The following MAST2 variants were observed in gnomAD, a reference collection of about 807,000 sequenced individuals.
The protein encoded by MAST2 is microtubule associated serine/threonine kinase 2, also known as microtubule-associated serine/threonine-protein kinase 2.
MAST2 carries 70 observed loss-of-function variants against 147.4 expected under a neutral mutation model. The observed-to-expected ratio is 0.47, with a 90% CI of 0.39 to 0.58. MAST2 has a LOEUF of 0.58. Among genes scored for constraint, MAST2 ranks in the 20% least tolerant of loss-of-function variants. The pLI, the probability that MAST2 is intolerant of heterozygous loss-of-function variation, is 0.00. For synonymous variants in MAST2, 869 were observed against 896.8 expected, an observed-to-expected ratio of 0.97 and a Z score of 0.55; for missense variants, 2,080 against 2,302.3, an observed-to-expected ratio of 0.90 and a Z score of 1.98.
intron 5 of MAST2, among the ~76,000 whole-genome samples, 168 bp downstream of exon 5, chr1:45,959,645 C>T (rs746904817): frequency 6.6e-6 from 1 of 152,188 alleles, no homozygotes; most frequent in Non-Finnish European, 1.5e-5. Context: ...AATGAGTTAG[C>T]CTGCTTTTGA....
intron 3 of MAST2, among the ~76,000 whole-genome samples, chr1:45,853,576 A>G (rs999817009): frequency 3.3e-5 from 5 of 151,362 alleles, no homozygotes; most frequent in African/African-American, 1.2e-4. Flanking sequence ...CTGGTGTTGA[A>G]CTCCTGACCT....
intron 1 of MAST2, among the ~76,000 whole-genome samples, chr1:45,818,810 T>A (rs948860578): frequency 6.6e-6 from 1 of 152,244 alleles, no homozygotes; most frequent in Non-Finnish European, 1.5e-5. Flanking sequence ...ACGACCCATT[T>A]TGAACTTATT....
chr1:45,880,456 T>G (rs887566425), intron 3 of MAST2, among the ~76,000 whole-genome samples: 1 of 152,210 alleles, frequency 6.6e-6, no homozygotes, highest in East Asian at 1.9e-4. Context: ...TCTGGATTGA[T>G]GGACATGTTC....
chr1:45,824,925 G>A lies in MAST2; in HGVS notation c.325+345G>A, dbSNP rs543626744. Among the ~76,000 whole-genome samples the A allele has an allele frequency of 2.6e-5, 4 of 152,142 alleles. No homozygotes were observed. In the South Asian group the frequency reaches 8.3e-4, roughly 32 times the overall value. ...CCTAAAACTCATAGTGGCCTCTACCGCCTTCAAAGAAAAGACTTAAAAAAT... is the reference window on the plus strand; with the variant it reads ...CCTAAAACTCATAGTGGCCTCTACCACCTTCAAAGAAAAGACTTAAAAAAT... On this transcript the variant is annotated intron_variant, in intron 2 of 28. Transcript: ENST00000361297.
At chr1:45,928,045 G>T (rs1312063169) in intron 4 of MAST2, among the ~76,000 whole-genome samples, 4 of 152,052 alleles carry the variant, frequency 2.6e-5, no homozygotes, top group Admixed American at 2.0e-4. Flanking sequence ...CTAGAACTAG[G>T]AAAATTTTAT....
At chr1:45,986,266 C>G (rs574912872) in intron 5 of MAST2, among the ~76,000 whole-genome samples, 3 of 152,276 alleles carry the variant, frequency 2.0e-5, no homozygotes, top group Admixed American at 1.3e-4. Context: ...AATGCATTTT[C>G]TATGTCTAAT....
chr1:45,883,143 C>A (rs954946122), intron 4 of MAST2, among the ~76,000 whole-genome samples: 2 of 152,104 alleles, frequency 1.3e-5, no homozygotes, highest in Non-Finnish European at 2.9e-5. Context: ...ATCTGGGGAA[C>A]CCTAAGGAAA....
At chr1:45,843,427 A>G (rs1645336875) in intron 3 of MAST2, among the ~76,000 whole-genome samples, 1 of 152,104 alleles carries the variant, frequency 6.6e-6, no homozygotes, top group African/African-American at 2.4e-5. Flanking sequence ...TCATCGACCC[A>G]TTTTGAGTCA....
At chr1:45,926,703 C>G (rs1654424714) in intron 4 of MAST2, among the ~76,000 whole-genome samples, 1 of 152,036 alleles carries the variant, frequency 6.6e-6, no homozygotes, top group East Asian at 1.9e-4. Flanking sequence ...AGAGTATCTT[C>G]AGAAGAAGTG....
intron 3 of MAST2, among the ~76,000 whole-genome samples, chr1:45,843,041 A>T (rs1180370383): frequency 6.6e-6 from 1 of 152,168 alleles, no homozygotes; most frequent in African/African-American, 2.4e-5. Context: ...GTAATGACTA[A>T]TGATGTTGAG....
chr1:45,892,872 G>A (rs1322955983), intron 4 of MAST2, among the ~76,000 whole-genome samples: 2 of 152,164 alleles, frequency 1.3e-5, no homozygotes, highest in Non-Finnish European at 2.9e-5. Context: ...ATAGCAAACT[G>A]TAAGAGATTA....
rs188653762 is a variant in MAST2, at chr1:46,025,964, C to T, written c.1919+149C>T. 3.1e-3 allele frequency: 2,775 copies of T among 880,956 alleles called. 15 individuals are homozygous for T. The highest frequency in any genetic ancestry group is 4.1e-3 in the Non-Finnish European group (2,319 of 565,048). 54.6% of individuals were successfully genotyped at this position (880,956 alleles called of 1,614,324 possible). A position where few individuals can be genotyped will look rare whatever the true frequency, so the allele number is the denominator to read the frequency against. On this transcript the variant is annotated intron_variant, in intron 16 of 28. Coordinates refer to ENST00000361297, the MANE Select transcript of MAST2 (RefSeq NM_015112.3). ...GTCCATCTGGGCCTAGTTCTCTAGC[C>T]CCCCGACCACCCCAGATGCAGATCA...
At chr1:45,999,022 G>A (rs1016824256) in intron 6 of MAST2, among the ~76,000 whole-genome samples, 15 of 152,050 alleles carry the variant, frequency 9.9e-5, no homozygotes, top group Non-Finnish European at 1.5e-5. Context: ...ATGAGCCACC[G>A]TGCCCGGCCT....
In MAST2 at chr1:46,031,315, G is replaced by A. The variant is rs374362139; in HGVS notation, c.2992+25G>A. On this transcript the variant is annotated intron_variant, in intron 23 of 28. Transcript: ENST00000361297. The surrounding 1 kb of genome is among the most constrained non-coding windows in gnomAD (Gnocchi z 4.1). ...GGTATGGCCCAGTGGGCGGCCAAAC[G>A]ACCTAAGCTGGAGGATACTGCAGGG... 1.2e-5 allele frequency: 18 copies of A among 1,544,506 alleles called. No individual in the cohort carries two copies. Among genetic ancestry groups the A allele is most frequent in the African/African-American group, 8.2e-5 (6 of 73,088 alleles).
chr1:45,908,963 G>A (rs1358167264), intron 4 of MAST2, among the ~76,000 whole-genome samples: 1 of 152,142 alleles, frequency 6.6e-6, no homozygotes, highest in Non-Finnish European at 1.5e-5. Flanking sequence ...ATGGTAATTT[G>A]TAGTAGAATG....
intron 4 of MAST2, among the ~76,000 whole-genome samples, chr1:45,929,396 T>G (rs990301022): frequency 2.6e-5 from 4 of 152,182 alleles, no homozygotes; most frequent in East Asian, 1.9e-4. Context: ...GGGGGAGTTG[T>G]TGGTGGTGAA....
intron 4 of MAST2, among the ~76,000 whole-genome samples, chr1:45,937,321 T>C (rs1289537785): frequency 6.6e-6 from 1 of 151,688 alleles, no homozygotes; most frequent in African/African-American, 2.4e-5. Flanking sequence ...TTTCTAGAAA[T>C]GGGATCTCTC....
At chr1:45,889,095 A>G (rs1647268730) in intron 4 of MAST2, among the ~76,000 whole-genome samples, 1 of 151,912 alleles carries the variant, frequency 6.6e-6, no homozygotes, top group Non-Finnish European at 1.5e-5. Context: ...GGCATTGCTC[A>G]CCCTCAGTCT....
At chr1:45,964,222 C>T (rs568821719) in intron 5 of MAST2, among the ~76,000 whole-genome samples, 44 of 152,098 alleles carry the variant, frequency 2.9e-4, no homozygotes, top group East Asian at 1.2e-3. Flanking sequence ...AGGATGATGC[C>T]GGCCTCATAA....
Sources: gnomAD v4.1 joint callset for allele counts (sites outside exome capture counted in the v4.1 genomes callset) on GRCh38, gnomAD v4.1.1 for gene constraint, Gnocchi (gnomAD v3.1) non-coding constraint, MANE v1.5 for transcripts, NCBI Gene and HGNC (gene_info 2026-07-23, HGNC 2026-07-21) for gene names.